TMTC2: variants seen among roughly 807,000 people sequenced by gnomAD.
TMTC2 encodes the protein protein O-mannosyl-transferase TMTC2.
Under a neutral mutation model 82.4 loss-of-function variants are expected in TMTC2, and 43 were observed. That is an observed-to-expected ratio of 0.52 (90% CI 0.41 to 0.67). The LOEUF (loss-of-function observed/expected upper bound fraction) is 0.67, where lower values mean the gene tolerates loss of function less well. TMTC2 is among the 30% of genes least tolerant of loss of function. The pLI is 0.00. For synonymous variants in TMTC2, 408 were observed against 381.9 expected (o/e 1.07, Z -0.80); for missense variants, 919 against 1,012.4 (o/e 0.91, Z 1.25).
chr12:82,952,426 G>A (rs971998098), intron 4 of TMTC2, among the ~76,000 whole-genome samples: 10 of 151,720 alleles, frequency 6.6e-5, no homozygotes, highest in South Asian at 2.1e-4. Context: ...GTATTTATTT[G>A]AATGTAATTA....
intron 1 of TMTC2, among the ~76,000 whole-genome samples, chr12:82,849,006 C>T (rs1036732879): frequency 1.3e-5 from 2 of 152,030 alleles, no homozygotes; most frequent in East Asian, 1.9e-4. Context: ...AATTAGCATG[C>T]GTATGGAGAA....
intron 7 of TMTC2, among the ~76,000 whole-genome samples, chr12:82,985,206 A>G (rs1192835583): frequency 6.6e-6 from 1 of 151,906 alleles, no homozygotes; most frequent in Non-Finnish European, 1.5e-5. Context: ...CTACACCTGC[A>G]TGACACCACA....
At chr12:82,773,524 G>A (rs536086318) in intron 1 of TMTC2, among the ~76,000 whole-genome samples, 4 of 150,710 alleles carry the variant, frequency 2.7e-5, no homozygotes, top group East Asian at 1.9e-4. Flanking sequence ...GCAATGGTGC[G>A]ATCTCGGCTC....
intron 1 of TMTC2, among the ~76,000 whole-genome samples, chr12:82,811,977 C>T (rs940461153): frequency 9.9e-5 from 15 of 151,850 alleles, no homozygotes; most frequent in African/African-American, 3.6e-4. Context: ...GTCACCACAC[C>T]TGGCTAATTT....
intron 11 of TMTC2, among the ~76,000 whole-genome samples, chr12:83,099,967 T>G (rs1039852515): frequency 4.6e-5 from 7 of 151,808 alleles, no homozygotes; most frequent in African/African-American, 1.5e-4. Context: ...CCAGGCTGGA[T>G]GTAGTACAGT....
intron 3 of TMTC2, among the ~76,000 whole-genome samples, chr12:82,914,817 A>AT (rs71068958): frequency 0.031 from 2,709 of 86,378 alleles, 55 homozygotes; most frequent in Non-Finnish European, 0.035. Flanking sequence ...CAACTCACTT[A>AT]TTTTTTTTTT....
chr12:82,965,182 C>T, intron 5 of TMTC2, 73 bp downstream of exon 5: 1 of 1,161,394 alleles, frequency 8.6e-7, no homozygotes, highest in East Asian at 2.4e-5. Flanking sequence ...TTTACAGCCT[C>T]ACTGAGAAAA....
At chr12:82,839,543 A>T (rs527907400) in intron 1 of TMTC2, among the ~76,000 whole-genome samples, 6 of 152,314 alleles carry the variant, frequency 3.9e-5, no homozygotes, top group African/African-American at 1.4e-4. Context: ...ACAAAGATAC[A>T]AGAGGTTTCA....
chr12:83,071,321 AT>A (rs940270372), intron 11 of TMTC2, among the ~76,000 whole-genome samples: 1 of 151,568 alleles, frequency 6.6e-6, no homozygotes, highest in Non-Finnish European at 1.5e-5. Flanking sequence ...TGCCCGGCTA[AT>A]TTTTTTTGTA....
intron 3 of TMTC2, among the ~76,000 whole-genome samples, chr12:82,922,495 C>G (rs1224360261): frequency 6.6e-6 from 1 of 150,924 alleles, no homozygotes; most frequent in African/African-American, 2.4e-5. Context: ...CTTTTCCTAC[C>G]TTCCTTTTCC....
chr12:82,715,202 G>A (rs1873837658), intron 1 of TMTC2, among the ~76,000 whole-genome samples: 1 of 151,644 alleles, frequency 6.6e-6, no homozygotes, highest in Non-Finnish European at 1.5e-5. Context: ...CCCGAGAGGT[G>A]GAGGTTGCAG....
At chr12:82,767,098 C>T (rs1417002328) in intron 1 of TMTC2, among the ~76,000 whole-genome samples, 1 of 152,174 alleles carries the variant, frequency 6.6e-6, no homozygotes, top group Non-Finnish European at 1.5e-5. Context: ...AGGGCTCCTT[C>T]ATACCTGTCA....
chr12:82,800,070 A>G (rs1176573258), intron 1 of TMTC2, among the ~76,000 whole-genome samples: 2 of 152,124 alleles, frequency 1.3e-5, no homozygotes, highest in African/African-American at 4.8e-5. Flanking sequence ...AAGCTCTAGA[A>G]TCTAACCTGG....
chr12:82,775,756 A>G (rs1019399345), intron 1 of TMTC2, among the ~76,000 whole-genome samples: 2 of 151,980 alleles, frequency 1.3e-5, no homozygotes, highest in African/African-American at 2.4e-5. Flanking sequence ...TGATGCTCAT[A>G]TTTCTTCCAT....
intron 2 of TMTC2, among the ~76,000 whole-genome samples, chr12:82,877,016 T>G (rs1365603334): frequency 6.6e-6 from 1 of 152,240 alleles, no homozygotes; most frequent in South Asian, 2.1e-4. Context: ...TTTAAAAATA[T>G]GTCATAAAGA....
At chr12:82,842,818 G>A (rs2137092034) in intron 1 of TMTC2, among the ~76,000 whole-genome samples, 1 of 152,198 alleles carries the variant, frequency 6.6e-6, no homozygotes, top group South Asian at 2.1e-4. Flanking sequence ...ATGTCTCTGT[G>A]TGTGTCCAAA....
chr12:82,793,704 G>C (rs1444900509), intron 1 of TMTC2, among the ~76,000 whole-genome samples: 1 of 152,066 alleles, frequency 6.6e-6, no homozygotes, highest in African/African-American at 2.4e-5. Context: ...ATGGTATGGG[G>C]GTGGGAAGGG....
At chr12:82,774,451 T>G (rs2136999900) in intron 1 of TMTC2, among the ~76,000 whole-genome samples, 1 of 152,064 alleles carries the variant, frequency 6.6e-6, no homozygotes, top group Admixed American at 6.5e-5. Context: ...TGAAACCCTG[T>G]ATCTACCAAA....
chr12:82,714,389 G>A (rs1015259055), intron 1 of TMTC2, among the ~76,000 whole-genome samples: 1 of 152,192 alleles, frequency 6.6e-6, no homozygotes, highest in Non-Finnish European at 1.5e-5. Flanking sequence ...GTTTTCAGTG[G>A]ATTATAATAG....
Sources: gnomAD v4.1 joint callset for allele counts (sites outside exome capture counted in the v4.1 genomes callset) on GRCh38, gnomAD v4.1.1 for gene constraint, MANE v1.5 for transcripts, NCBI Gene and HGNC (gene_info 2026-07-23, HGNC 2026-07-21) for gene names.